Variants in TANGO6 observed in about 807,000 individuals in gnomAD.
TANGO6 encodes the protein transport and Golgi organization protein 6 homolog.
Under a neutral mutation model 114.2 loss-of-function variants are expected in TANGO6, and 90 were observed. The observed-to-expected ratio is 0.79, with a 90% confidence interval of 0.66 to 0.94. The LOEUF (loss-of-function observed/expected upper bound fraction) is 0.94, where lower values mean the gene tolerates loss of function less well. Among genes scored for constraint, TANGO6 ranks in the 40% least tolerant of loss-of-function variants. TANGO6 has a pLI of 0.00. For synonymous variants in TANGO6, 477 were observed against 509.8 expected, an observed-to-expected ratio of 0.94 and a Z score of 0.87; for missense variants, 1,274 against 1,315.3, an observed-to-expected ratio of 0.97 and a Z score of 0.49.
intron 17 of TANGO6, among the ~76,000 whole-genome samples, chr16:69,053,091 G>T (rs1278056248): frequency 6.6e-6 from 1 of 152,090 alleles, no homozygotes; most frequent in Non-Finnish European, 1.5e-5. Context: ...CAACAAGGGC[G>T]AAACTCGGTC....
At chr16:68,896,276 G>C (rs1299427530) in intron 7 of TANGO6, among the ~76,000 whole-genome samples, 3 of 151,916 alleles carry the variant, frequency 2.0e-5, no homozygotes, top group African/African-American at 7.3e-5. Flanking sequence ...CAAAGTGCTG[G>C]GGTTACAGAT....
At chr16:68,964,628 G>A (rs905521464) in intron 14 of TANGO6, among the ~76,000 whole-genome samples, 2 of 146,614 alleles carry the variant, frequency 1.4e-5, no homozygotes, top group Non-Finnish European at 3.0e-5. Flanking sequence ...GTGCAGTGAC[G>A]CGATCTTGGC....
In TANGO6 at chr16:68,896,910, T is replaced by A. The variant is rs146318894; in HGVS notation, c.1378-3524T>A. ...TGGTAAGGGTTATTCTTTTTTATTT[T>A]TTTATTTTTTTGAGATAGAGTCTTG... On this transcript the variant is annotated intron_variant, in intron 7 of 17. Transcript: ENST00000261778. 2.0e-5 allele frequency among the ~76,000 whole-genome samples: 3 copies of A among 152,246 alleles called. No homozygotes were observed. In the East Asian group the frequency reaches 5.8e-4, roughly 29 times the overall value.
At chr16:68,918,963 C>T in intron 11 of TANGO6, 122 bp from the exon 12 acceptor site, 1 of 1,196,714 alleles carries the variant, frequency 8.4e-7, no homozygotes, top group South Asian at 1.6e-5. Flanking sequence ...AGCAGTTGTT[C>T]TGGATGGTTC....
At chr16:68,920,688 C>T (rs920941061) in intron 12 of TANGO6, among the ~76,000 whole-genome samples, 5 of 152,084 alleles carry the variant, frequency 3.3e-5, no homozygotes, top group African/African-American at 1.2e-4. Context: ...TTAGAATATA[C>T]CTTTCACTAG....
chr16:68,897,468 A>G (rs935157886), intron 7 of TANGO6, among the ~76,000 whole-genome samples: 2 of 152,210 alleles, frequency 1.3e-5, no homozygotes, highest in African/African-American at 2.4e-5. Context: ...AAAATAATAT[A>G]TACGTATAAA....
At chr16:69,060,727 C>A (rs1960101905) in intron 17 of TANGO6, among the ~76,000 whole-genome samples, 1 of 152,132 alleles carries the variant, frequency 6.6e-6, no homozygotes, top group African/African-American at 2.4e-5. Flanking sequence ...GGCATGGTGG[C>A]TCACACCTGT....
At chr16:69,025,579 G>T (rs1320381128) in intron 16 of TANGO6, among the ~76,000 whole-genome samples, 2 of 152,224 alleles carry the variant, frequency 1.3e-5, no homozygotes, top group African/African-American at 4.8e-5. Flanking sequence ...CCAATCAGAG[G>T]AAAGTGTGCC....
intron 14 of TANGO6, among the ~76,000 whole-genome samples, chr16:68,963,371 C>A (rs147516516): frequency 0.035 from 5,257 of 152,240 alleles, 315 homozygotes; most frequent in African/African-American, 0.12. Flanking sequence ...CCCACCTCGG[C>A]CTCCCAAAGT....
chr16:68,965,424 A>C (rs1398579394), intron 14 of TANGO6, among the ~76,000 whole-genome samples: 2 of 152,220 alleles, frequency 1.3e-5, no homozygotes, highest in African/African-American at 2.4e-5. Flanking sequence ...ATTCGGATAC[A>C]AAAGGAAGCT....
At chr16:69,010,836 G>A (rs1760727628) in intron 15 of TANGO6, among the ~76,000 whole-genome samples, 1 of 152,160 alleles carries the variant, frequency 6.6e-6, no homozygotes, top group Non-Finnish European at 1.5e-5. Context: ...CATTGAATTG[G>A]TTAGATGGAA....
At chr16:68,951,452 A>G (rs1963470684) in intron 14 of TANGO6, among the ~76,000 whole-genome samples, 1 of 152,098 alleles carries the variant, frequency 6.6e-6, no homozygotes, top group African/African-American at 2.4e-5. Flanking sequence ...CCCATTTTTC[A>G]GACAAAGAAA....
At chr16:68,999,204 T>C (rs913048293) in intron 15 of TANGO6, among the ~76,000 whole-genome samples, 2 of 152,150 alleles carry the variant, frequency 1.3e-5, no homozygotes, top group Non-Finnish European at 2.9e-5. Context: ...GTATAAGCCT[T>C]GAGTCCAGCC....
intron 2 of TANGO6, among the ~76,000 whole-genome samples, chr16:68,862,033 T>A (rs1037450665): frequency 5.1e-4 from 78 of 151,970 alleles, no homozygotes; most frequent in East Asian, 9.7e-4. Context: ...ATTTTTTTTT[T>A]ATTTTTATTA....
At chr16:68,958,654 G>A (rs1963559614) in intron 14 of TANGO6, among the ~76,000 whole-genome samples, 1 of 152,156 alleles carries the variant, frequency 6.6e-6, no homozygotes, top group Non-Finnish European at 1.5e-5. Context: ...TGTCCAGGAT[G>A]AGCACAATGG....
At chr16:68,880,420 A>T (rs752969788) in intron 6 of TANGO6, 128 bp from the exon 7 acceptor site, 6 of 572,686 alleles carry the variant, frequency 1.0e-5, no homozygotes, top group Non-Finnish European at 1.8e-5. Context: ...TTGTTCAATG[A>T]TAACCATTTT....
At chr16:68,872,000 C>A (rs1051935522) in intron 4 of TANGO6, among the ~76,000 whole-genome samples, 4 of 152,118 alleles carry the variant, frequency 2.6e-5, no homozygotes, top group African/African-American at 9.6e-5. Flanking sequence ...AGGAGGCCAA[C>A]GTGGGCGGAT....
rs1597019442 is a variant in TANGO6 at position 68,919,075 on chromosome 16, T to C, written c.1993-10T>C. On this transcript the variant is annotated splice_polypyrimidine_tract_variant and intron_variant, in intron 11 of 17. Coordinates refer to ENST00000261778, the MANE Select transcript of TANGO6 (RefSeq NM_024562.2). ...TTCCTCATTGATTCTCAATTCCCTT[T>C]TTTGGGTAGGTGGTGGACTTTGTAG... 2 of 1,605,246 alleles carry C rather than the reference T, an allele frequency of 1.2e-6. No homozygotes were observed. The highest frequency in any genetic ancestry group is 4.5e-5 in the East Asian group (2 of 44,730).
chr16:68,866,290 A>G (rs961141457), intron 3 of TANGO6, among the ~76,000 whole-genome samples: 4 of 151,394 alleles, frequency 2.6e-5, no homozygotes, highest in African/African-American at 9.7e-5. Flanking sequence ...TGAAGTCTGT[A>G]TAGCACACTG....
Sources: gnomAD v4.1 joint callset for allele counts (sites outside exome capture counted in the v4.1 genomes callset) on GRCh38, gnomAD v4.1.1 for gene constraint, MANE v1.5 for transcripts, NCBI Gene and HGNC (gene_info 2026-07-23, HGNC 2026-07-21) for gene names.